LRPPRC: variants seen among roughly 807,000 people sequenced by gnomAD.
The protein encoded by LRPPRC is leucine rich pentatricopeptide repeat containing.
A neutral mutation model predicts 180.3 loss-of-function variants in LRPPRC; 120 were observed. The observed-to-expected ratio is 0.67, with a 90% CI of 0.57 to 0.77. The LOEUF is 0.77. Among genes scored for constraint, LRPPRC ranks in the 30% least tolerant of loss-of-function variants. The probability of loss-of-function intolerance (pLI) is 0.00; values close to 1 mark genes in which losing one functional copy is unlikely to be tolerated. For missense variants in LRPPRC, 2,012 were observed against 1,657.2 expected, an observed-to-expected ratio of 1.21 and a Z score of -3.72; for synonymous variants, 723 against 600.0, an observed-to-expected ratio of 1.21 and a Z score of -3.00.
intron 14 of LRPPRC, among the ~76,000 whole-genome samples, chr2:43,954,699 A>G (rs540152381): frequency 6.6e-6 from 1 of 152,326 alleles, no homozygotes; most frequent in Non-Finnish European, 1.5e-5. Context: ...ACACATATAC[A>G]TATGGACATA....
rs148889169 is a variant in LRPPRC at position 43,944,951 on chromosome 2, T to C, written c.2296+381A>G. Among the ~76,000 whole-genome samples the C allele has an allele frequency of 9.1e-4, 138 of 152,242 alleles. 2 individuals are homozygous for C. The South Asian group carries it at 0.023, about 25-fold the overall frequency. ...AAATTCAGGCGCATATATTAGGTTA[T>C]GTTTATAGGTTTTACGTTTATAGGT... On this transcript the variant is annotated intron_variant, in intron 22 of 37. Coordinates refer to ENST00000260665, the MANE Select transcript of LRPPRC (RefSeq NM_133259.4).
At position 43,964,696 on chromosome 2, in the gene LRPPRC, T is replaced by TA. The variant is rs548973978; in HGVS notation, c.1370-991dup. On this transcript the variant is annotated intron_variant, in intron 11 of 37. Coordinates refer to ENST00000260665, the MANE Select transcript of LRPPRC (RefSeq NM_133259.4). The stretch of plus-strand genomic sequence containing the variant: ...TTCTTTTAGATAAAATTTAATTATG[T>TA]AAAAAAAAAACTATAATTTTTTTTA... Among the ~76,000 whole-genome samples the TA allele has an allele frequency of 8.9e-4, 133 of 148,862 alleles. 1 individual carries two copies. The highest frequency in any genetic ancestry group is 6.9e-3 in the Middle Eastern group (2 of 290).
intron 1 of LRPPRC, among the ~76,000 whole-genome samples, chr2:43,993,615 T>C (rs1051369553): frequency 2.6e-5 from 4 of 151,954 alleles, no homozygotes; most frequent in Non-Finnish European, 4.4e-5. Context: ...TAGGAGACTA[T>C]ATACAGTGCT....
chr2:43,908,725 C>T (rs1671150184), intron 30 of LRPPRC, among the ~76,000 whole-genome samples: 1 of 152,102 alleles, frequency 6.6e-6, no homozygotes, highest in Non-Finnish European at 1.5e-5. Flanking sequence ...CAGGGTTTCA[C>T]CAAGTTGGCC....
intron 1 of LRPPRC, among the ~76,000 whole-genome samples, chr2:43,988,111 G>A (rs1015330728): frequency 2.0e-5 from 3 of 150,862 alleles, no homozygotes; most frequent in Non-Finnish European, 4.4e-5. Context: ...ATGGTGGCAG[G>A]TGCCTGTAAT....
chr2:43,973,923 T>G (rs758158295), intron 9 of LRPPRC, 23 bp from the exon 10 acceptor site: 2 of 1,406,208 alleles, frequency 1.4e-6, no homozygotes, highest in East Asian at 4.6e-5. Context: ...AGTCACCACA[T>G]TAGCTGGATT....
intron 30 of LRPPRC, among the ~76,000 whole-genome samples, chr2:43,909,832 G>A (rs1002664667): frequency 6.6e-6 from 1 of 151,864 alleles, no homozygotes; most frequent in African/African-American, 2.4e-5. Flanking sequence ...AAGGGAAGAA[G>A]ATAAACCTAT....
intron 36 of LRPPRC, among the ~76,000 whole-genome samples, chr2:43,894,067 G>A (rs568054691): frequency 8.5e-5 from 13 of 152,196 alleles, no homozygotes; most frequent in African/African-American, 2.4e-4. Context: ...GAACTGGGAC[G>A]TAAAAACCTT....
chr2:43,942,111 G>A (rs762817402), intron 23 of LRPPRC, among the ~76,000 whole-genome samples: 3 of 152,012 alleles, frequency 2.0e-5, no homozygotes, highest in Non-Finnish European at 2.9e-5. Flanking sequence ...CTTGGTTCAT[G>A]AGCCCCATCT....
rs988674352 is a variant in LRPPRC at position 43,887,274 on chromosome 2, G to A, written c.*1326C>T. The stretch of plus-strand genomic sequence containing the variant: ...AGACTCAACGTTGGCCATGCCCCCT[G>A]CTTCCTTAAATCTAACGCCACAAAA... On this transcript the variant is annotated 3_prime_UTR_variant, in exon 38 of 38. Transcript: ENST00000260665. 4 of 152,004 alleles carry A rather than the reference G, an allele frequency of 2.6e-5. No individual in the cohort carries two copies. The highest frequency in any genetic ancestry group is 9.7e-5 in the African/African-American group (4 of 41,384). 9.4% of individuals were successfully genotyped at this position (152,004 alleles called of 1,614,324 possible). A position where few individuals can be genotyped will look rare whatever the true frequency, so the allele number is the denominator to read the frequency against.
chr2:43,992,727 C>A (rs1161205756), intron 1 of LRPPRC, among the ~76,000 whole-genome samples: 9 of 151,992 alleles, frequency 5.9e-5, no homozygotes, highest in Non-Finnish European at 1.3e-4. Flanking sequence ...ATGTAGATAT[C>A]CAGGATCTTT....
chr2:43,968,235 T>C (rs1572558746), intron 11 of LRPPRC, among the ~76,000 whole-genome samples: 1 of 152,208 alleles, frequency 6.6e-6, no homozygotes, highest in South Asian at 2.1e-4. Context: ...GAAATGGAAA[T>C]ATGCCAGGAA....
chr2:43,889,082 C>G (rs994969161), intron 37 of LRPPRC, among the ~76,000 whole-genome samples: 3 of 151,994 alleles, frequency 2.0e-5, no homozygotes, highest in African/African-American at 7.3e-5. Flanking sequence ...TTTGGGAGGC[C>G]GAGGTGGGCG....
chr2:43,937,463 C>T (rs1672317569), intron 23 of LRPPRC, among the ~76,000 whole-genome samples: 1 of 152,130 alleles, frequency 6.6e-6, no homozygotes, highest in African/African-American at 2.4e-5. Context: ...TAATTTATGT[C>T]ACTATTAATC....
intron 1 of LRPPRC, among the ~76,000 whole-genome samples, chr2:43,988,311 C>T (rs924273164): frequency 6.7e-6 from 1 of 149,336 alleles, no homozygotes; most frequent in African/African-American, 2.5e-5. Flanking sequence ...CCAAGGCGGG[C>T]GGATCACCTG....
intron 13 of LRPPRC, among the ~76,000 whole-genome samples, chr2:43,957,866 C>A (rs1013495693): frequency 6.6e-6 from 1 of 152,082 alleles, no homozygotes; most frequent in Non-Finnish European, 1.5e-5. Context: ...ATTCTTTTCT[C>A]GGAGAGGTGT....
Position 43,934,782 on chromosome 2 carries a change from C to G in LRPPRC, c.2601G>C (p.Glu867Asp), listed in dbSNP as rs371537813. The change falls in exon 24 of 38, where the codon GAG becomes GAC. Residue 867 changes from glutamate (E) to aspartate (D), a missense_variant. Coordinates refer to ENST00000260665, the MANE Select transcript of LRPPRC (RefSeq NM_133259.4). The stretch of plus-strand genomic sequence containing the variant: ...TCTGAATTAGATCAGTCTCGCCTTT[C>G]TCTACCAGTTTACACAAGACATCAT... Reference protein sequence around the residue: ...RIHDVLCKLVEKGETDLIQKA... With the variant: ...RIHDVLCKLVDKGETDLIQKA... The G allele has an allele frequency of 4.3e-6, 7 of 1,612,764 alleles. No individual in the cohort carries two copies. The African/African-American group carries it at 9.3e-5, about 22-fold the overall frequency.
At chr2:43,945,147 G>C (rs1318454813) in intron 22 of LRPPRC, among the ~76,000 whole-genome samples, 185 bp downstream of exon 22, 1 of 152,124 alleles carries the variant, frequency 6.6e-6, no homozygotes, top group Non-Finnish European at 1.5e-5. Flanking sequence ...TAAATGACAA[G>C]CTTGCCAATC....
intron 15 of LRPPRC, 98 bp from the exon 16 acceptor site, chr2:43,949,757 G>C (rs1023250048): frequency 6.1e-5 from 49 of 803,854 alleles, no homozygotes; most frequent in Non-Finnish European, 9.7e-5. Context: ...CCTCTCCCCA[G>C]TAAGGTACTA....
Sources: allele counts gnomAD v4.1 joint callset (sites outside exome capture counted in the v4.1 genomes callset), GRCh38; gene constraint gnomAD v4.1.1; transcripts MANE v1.5; gene names NCBI Gene and HGNC (gene_info 2026-07-23, HGNC 2026-07-21).